GCN1: variants seen among roughly 807,000 people sequenced by gnomAD.
The protein encoded by GCN1 is stalled ribosome sensor GCN1.
GCN1 carries 90 observed loss-of-function variants against 288.4 expected under a neutral mutation model. The ratio of observed to expected loss-of-function variants is 0.31; its 90% CI spans 0.26 to 0.37. The LOEUF is 0.37. GCN1 is among the 10% of genes least tolerant of loss of function. The pLI is 1.00. For synonymous variants in GCN1, 1,386 were observed against 1,420.2 expected, an observed-to-expected ratio of 0.98 and a Z score of 0.54; for missense variants, 2,586 against 3,419.9, an observed-to-expected ratio of 0.76 and a Z score of 6.08.
chr12:120,148,276 A>G lies in GCN1; in HGVS notation c.4617T>C (p.Ile1539=), dbSNP rs746075488. Residue 1539 remains isoleucine, a synonymous_variant, in exon 37 of 58, where the codon ATT becomes ATC. Transcript: ENST00000300648. ...TCAGCACCTCCGTAAGCTTGGGCAC[A>G]ATGTTGGGTAGACAGGATGACAGCT... ...PKQLSSCLPN[I]VPKLTEVLTD... 5.6e-6 allele frequency: 9 copies of G among 1,613,974 alleles called. No homozygotes were observed. The highest frequency in any genetic ancestry group is 7.6e-6 in the Non-Finnish European group (9 of 1,179,968).
chr12:120,188,451 A>T (rs1375835064), intron 2 of GCN1, among the ~76,000 whole-genome samples: 1 of 151,104 alleles, frequency 6.6e-6, no homozygotes, highest in Non-Finnish European at 1.5e-5. Flanking sequence ...AAAAAAAAAA[A>T]AAAAAAACCT....
intron 5 of GCN1, among the ~76,000 whole-genome samples, chr12:120,181,545 G>T (rs1276365286): frequency 6.9e-6 from 1 of 144,164 alleles, no homozygotes; most frequent in African/African-American, 2.6e-5. Context: ...TTTTTTAAAA[G>T]TAGGCTGGGC....
At position 120,137,866 on chromosome 12, in the gene GCN1, G is replaced by A; in HGVS notation, c.6393+35C>T. ...TGAGCAGGGATCCTCCGGGCAGACG[G>A]GACATGAGAAAGCAGGAGCAGGCTC... On this transcript the variant is annotated intron_variant, in intron 48 of 57. Transcript: ENST00000300648. The surrounding 1 kb of genome is among the most constrained non-coding windows in gnomAD (Gnocchi z 5.2). 7 of 1,613,228 alleles carry A rather than the reference G, an allele frequency of 4.3e-6. No homozygotes were observed. The highest frequency in any genetic ancestry group is 5.1e-6 in the Non-Finnish European group (6 of 1,179,212).
Position 120,137,218 on chromosome 12 carries a change from G to T in GCN1, c.6765C>A (p.Cys2255Ter). The T allele has an allele frequency of 6.2e-7, 1 of 1,613,432 alleles. No homozygotes were observed. Among genetic ancestry groups the T allele is most frequent in the Non-Finnish European group, 8.5e-7 (1 of 1,179,390 alleles). The change falls in exon 50 of 58, where the codon TGC (cysteine) becomes TGA (stop). Residue 2255 changes from cysteine to a stop codon, truncating the protein, a stop_gained. Coordinates refer to ENST00000300648, the MANE Select transcript of GCN1 (RefSeq NM_006836.2). LOFTEE classifies it high-confidence loss of function. This position sits in a 1 kb window ranked among gnomAD's most constrained non-coding sequence, Gnocchi z 5.2. ...ESKGEHVPGF[C>*]LPKKGVTSIL... ...GGCCCTGGCTTACCTTCTTCGGGAG[G>T]CAGAATCCTGGCACATGCTCGCCTT...
chr12:120,157,004 C>A lies in GCN1; in HGVS notation c.3088-12G>T, dbSNP rs757964749. The stretch of plus-strand genomic sequence containing the variant: ...AACTCCGGGCCATTCTAGGAGAGAA[C>A]GGCAGGTAAGTCGAGATGAGGCTGT... On this transcript the variant is annotated splice_polypyrimidine_tract_variant and intron_variant, in intron 26 of 57. Transcript: ENST00000300648. The A allele has an allele frequency of 3.1e-6, 5 of 1,599,476 alleles. No individual in the cohort carries two copies. The highest frequency in any genetic ancestry group is 4.3e-6 in the Non-Finnish European group (5 of 1,167,052).
At chr12:120,164,888 C>T (rs1878052086) in intron 16 of GCN1, among the ~76,000 whole-genome samples, 167 bp from the exon 17 acceptor site, 1 of 148,230 alleles carries the variant, frequency 6.7e-6, no homozygotes, top group South Asian at 2.1e-4. Context: ...TGCTTATGCA[C>T]ACATGTATTT....
rs1877948824 is a variant in GCN1, at chr12:120,162,023, C to A, written c.2199G>T (p.Leu733=). Residue 733 remains leucine, a synonymous_variant, in exon 21 of 58, where the codon CTG becomes CTT. Transcript: ENST00000300648. Reference sequence around the variant, plus strand: ...GCTGTGGGAGGACCCGGTCCGGCGACAGGACGGAAAGGGAGCCCATGGCAT... The same window carrying A: ...GCTGTGGGAGGACCCGGTCCGGCGAAAGGACGGAAAGGGAGCCCATGGCAT... ...SMNAMGSLSV[L]SPDRVLPQLI... The A allele has an allele frequency of 1.9e-6, 3 of 1,613,388 alleles. No homozygotes were observed. The highest frequency in any genetic ancestry group is 2.5e-6 in the Non-Finnish European group (3 of 1,180,040).
intron 56 of GCN1, among the ~76,000 whole-genome samples, chr12:120,129,867 T>C (rs1876757655): frequency 6.6e-6 from 1 of 152,198 alleles, no homozygotes; most frequent in African/African-American, 2.4e-5. Context: ...ATCTTATCTA[T>C]ATCAGGGTCC....
chr12:120,163,047 C>T, intron 19 of GCN1, 23 bp downstream of exon 19: 1 of 1,613,638 alleles, frequency 6.2e-7, no homozygotes, highest in African/African-American at 1.3e-5. Context: ...CTGGGCTCTC[C>T]CACACCCACC....
Position 120,134,630 on chromosome 12 carries a change from C to G in GCN1, c.7105G>C (p.Asp2369His). Residue 2369 changes from aspartate to histidine, a missense_variant, in exon 52 of 58, where the codon GAT becomes CAT. Around this residue, in one of 8 missense-constraint regions of GCN1, gnomAD observed 355 missense variants for 431.1 expected, o/e 0.82. Coordinates refer to ENST00000300648, the MANE Select transcript of GCN1 (RefSeq NM_006836.2). The surrounding 1 kb of genome is among the most constrained non-coding windows in gnomAD (Gnocchi z 5.0). ...SNRGVRLKAA[D>H]ALGKLISIHI... ...ATGGAAATGAGCTTCCCCAGAGCAT[C>G]TGCGGCCTTCAGGCGCACCCCCCGG... is the stretch of plus-strand genomic sequence containing the variant. 7 of 1,614,124 alleles carry G rather than the reference C, an allele frequency of 4.3e-6. No individual in the cohort carries two copies. Among genetic ancestry groups the G allele is most frequent in the Non-Finnish European group, 5.1e-6 (6 of 1,180,022 alleles).
Position 120,184,218 on chromosome 12 carries a change from G to T in GCN1, c.211C>A (p.Gln71Lys). Reference protein sequence around the residue: ...YRDAASRRALQAAIQQLAEAQ... With the variant: ...YRDAASRRALKAAIQQLAEAQ... Reference sequence around the variant, plus strand: ...TCAGCCAACTGCTGGATGGCTGCCTGCAAGGCCCTGCGGGAGGCTGCATCT... The same window carrying T: ...TCAGCCAACTGCTGGATGGCTGCCTTCAAGGCCCTGCGGGAGGCTGCATCT... The change falls in exon 4 of 58, where the codon CAG (glutamine) becomes AAG (lysine). Residue 71 changes from glutamine (Q) to lysine (K), a missense_variant. Physicochemically the swap from Gln to Lys is moderately conservative, Grantham distance 53. This residue lies in a region of GCN1 where 913 missense variants were observed against 1,107.0 expected (regional missense o/e 0.82). Coordinates refer to ENST00000300648, the MANE Select transcript of GCN1 (RefSeq NM_006836.2). The T allele has an allele frequency of 6.2e-7, 1 of 1,613,734 alleles. No homozygotes were observed. The highest frequency in any genetic ancestry group is 8.5e-7 in the Non-Finnish European group (1 of 1,179,856).
chr12:120,142,825 T>C lies in GCN1; in HGVS notation c.5612A>G (p.Lys1871Arg). The stretch of plus-strand genomic sequence containing the variant: ...GGGCAGGAAAGCCACTGCAGGCACC[T>C]TGTTGGACTGGGCAGTTCCAAAGTT... ...DDNFGTAQSN[K>R]AIITALGVER... The change falls in exon 43 of 58, where the codon AAG becomes AGG. Residue 1871 changes from lysine (K) to arginine (R), a missense_variant and splice_region_variant. By Grantham distance (26) the Lys-to-Arg change is conservative. Around this residue, in one of 8 missense-constraint regions of GCN1, gnomAD observed 437 missense variants for 570.5 expected, o/e 0.77. Transcript: ENST00000300648. The surrounding 1 kb of genome is among the most constrained non-coding windows in gnomAD (Gnocchi z 4.9). 6.2e-7 allele frequency: 1 copy of C among 1,609,274 alleles called. No individual in the cohort carries two copies. Among genetic ancestry groups the C allele is most frequent in the Non-Finnish European group, 8.5e-7 (1 of 1,175,558 alleles).
chr12:120,164,719 G>A lies in GCN1; in HGVS notation c.1615C>T (p.Leu539=). 6.2e-7 allele frequency: 1 copy of A among 1,608,022 alleles called. No homozygotes were observed. Among genetic ancestry groups the A allele is most frequent in the Non-Finnish European group, 8.5e-7 (1 of 1,174,502 alleles). ...KFLVMASEDA[L]CTVLHLTERL... ...TCTGTCAGATGCAACACAGTACACA[G>A]GGCTTGGAGGGAAGAAAAGGAATGG... Residue 539 remains leucine, a splice_region_variant and synonymous_variant, in exon 17 of 58, where the codon CTG becomes TTG. Coordinates refer to ENST00000300648, the MANE Select transcript of GCN1 (RefSeq NM_006836.2).
rs1255986210 is a variant in GCN1, at chr12:120,164,675, G to A, written c.1659C>T (p.His553=). Residue 553 remains histidine (H), a synonymous_variant, in exon 17 of 58, where the codon CAC becomes CAT. Transcript: ENST00000300648. ...LHLTERLFLD[H]PHRLTGNKVQ... is the part of the protein sequence containing the mutation. ...CTTTGTTGCCAGTGAGTCTATGCGG[G>A]TGGTCAAGGAAAAGTCTCTCTGTCA... 6.2e-7 allele frequency: 1 copy of A among 1,613,692 alleles called. No individual in the cohort carries two copies. Among genetic ancestry groups the A allele is most frequent in the Non-Finnish European group, 8.5e-7 (1 of 1,179,726 alleles).
chr12:120,135,023 A>G (rs563673955), intron 51 of GCN1, among the ~76,000 whole-genome samples: 8 of 152,274 alleles, frequency 5.3e-5, no homozygotes, highest in Admixed American at 5.2e-4. Context: ...CTTAGTGGAG[A>G]CCTGTCCATA....
At position 120,136,036 on chromosome 12, in the gene GCN1, A is replaced by G. The variant is rs1242963018; in HGVS notation, c.7008+466T>C. ...TGTCTCAAAAACAAAACAAAACAAA[A>G]CAAAAAACAAAAAAAAACAAAAACT... is the stretch of plus-strand genomic sequence containing the variant. On this transcript the variant is annotated intron_variant, in intron 51 of 57. Coordinates refer to ENST00000300648, the MANE Select transcript of GCN1 (RefSeq NM_006836.2). Among the ~76,000 whole-genome samples the G allele has an allele frequency of 3.3e-5, 5 of 151,926 alleles. No individual in the cohort carries two copies. The East Asian group carries it at 9.6e-4, about 29-fold the overall frequency.
At chr12:120,176,361 C>T in intron 9 of GCN1, 144 bp from the exon 10 acceptor site, 1 of 620,018 alleles carries the variant, frequency 1.6e-6, no homozygotes, top group South Asian at 1.9e-5. Context: ...TCCCAAAGCT[C>T]TGCTGAAAAG....
rs777435651 is a variant in GCN1, at chr12:120,147,068, G to C, written c.4931C>G (p.Ser1644Cys). ...MAAQIIGNMY[S>C]LTDQKDLAPY... Reference sequence around the variant, plus strand: ...GGCCGCTACCTTCTGGTCTGTCAGGGAGTACATGTTGCCAATAATCTGGGC... The same window carrying C: ...GGCCGCTACCTTCTGGTCTGTCAGGCAGTACATGTTGCCAATAATCTGGGC... Residue 1644 changes from serine (S) to cysteine (C), a missense_variant, in exon 38 of 58, where the codon TCC becomes TGC. Transcript: ENST00000300648. 1 of 1,578,108 alleles carries C rather than the reference G, an allele frequency of 6.3e-7. No homozygotes were observed. Among genetic ancestry groups the C allele is most frequent in the South Asian group, 1.2e-5 (1 of 85,678 alleles).
In GCN1 at chr12:120,142,041, C is replaced by T. The variant is rs1208380380; in HGVS notation, c.5829+466G>A. Among the ~76,000 whole-genome samples, 1 of 152,152 alleles carries T rather than the reference C, an allele frequency of 6.6e-6. No homozygotes were observed. Among genetic ancestry groups the T allele is most frequent in the Non-Finnish European group, 1.5e-5 (1 of 68,020 alleles). ...CACAGGAGATGCTAATAAATATTTG[C>T]AGAGGCCAGGCGTGGTGGCTCAAGC... On this transcript the variant is annotated intron_variant, in intron 44 of 57. Transcript: ENST00000300648. This position sits in a 1 kb window ranked among gnomAD's most constrained non-coding sequence, Gnocchi z 4.9.
Sources: gnomAD v4.1 joint callset for allele counts (sites outside exome capture counted in the v4.1 genomes callset) on GRCh38, gnomAD v4.1.1 for gene constraint, gnomAD v4.1.1 regional missense constraint, Gnocchi (gnomAD v3.1) non-coding constraint, MANE v1.5 for transcripts, NCBI Gene and HGNC (gene_info 2026-07-23, HGNC 2026-07-21) for gene names.